MAST4: variants seen among roughly 807,000 people sequenced by gnomAD.
The protein encoded by MAST4 is microtubule associated serine/threonine kinase family member 4.
Under a neutral mutation model 162.7 loss-of-function variants are expected in MAST4, and 89 were observed. The ratio of observed to expected loss-of-function variants is 0.55; its 90% CI spans 0.46 to 0.65. The LOEUF (loss-of-function observed/expected upper bound fraction) is 0.65, where lower values mean the gene tolerates loss of function less well. MAST4 is among the 30% of genes least tolerant of loss of function. The probability of loss-of-function intolerance (pLI) is 0.00; values close to 1 mark genes in which losing one functional copy is unlikely to be tolerated. For synonymous variants in MAST4, 1,479 were observed against 1,361.1 expected (o/e 1.09, Z -1.91); for missense variants, 3,153 against 3,374.0 (o/e 0.93, Z 1.62).
chr5:66,690,128 A>C (rs1394399421), intron 1 of MAST4, among the ~76,000 whole-genome samples: 1 of 152,194 alleles, frequency 6.6e-6, no homozygotes. Context: ...CTTACTGGGC[A>C]TGTGACCTTG....
At chr5:66,651,184 T>C (rs1746193080) in intron 1 of MAST4, among the ~76,000 whole-genome samples, 1 of 152,128 alleles carries the variant, frequency 6.6e-6, no homozygotes, top group African/African-American at 2.4e-5. Flanking sequence ...GAGAATCTTT[T>C]TTTTTTTGAA....
intron 3 of MAST4, among the ~76,000 whole-genome samples, chr5:66,816,736 C>T (rs868597383): frequency 2.6e-5 from 4 of 152,244 alleles, no homozygotes; most frequent in South Asian, 2.1e-4. Context: ...TGGCATTCTT[C>T]CCCCAGCTCC....
intron 1 of MAST4, among the ~76,000 whole-genome samples, chr5:66,673,557 TG>T (rs1168580793): frequency 6.7e-6 from 1 of 149,494 alleles, no homozygotes; most frequent in African/African-American, 2.4e-5. Flanking sequence ...GACAGAGTCT[TG>T]CTCTGTCACC....
intron 4 of MAST4, among the ~76,000 whole-genome samples, chr5:67,030,700 T>A (rs1056088006): frequency 1.2e-4 from 18 of 152,198 alleles, no homozygotes; most frequent in South Asian, 2.1e-4. Context: ...ACAAACATTG[T>A]ATATTTGGAA....
At chr5:66,971,012 C>CCTGGT (rs1747366148) in intron 4 of MAST4, among the ~76,000 whole-genome samples, 1 of 152,168 alleles carries the variant, frequency 6.6e-6, no homozygotes, top group Admixed American at 6.5e-5. Context: ...TAGAAAGTGA[C>CCTGGT]CTGGTCTGGT....
chr5:66,821,866 G>C (rs1757012188), intron 3 of MAST4, among the ~76,000 whole-genome samples: 1 of 152,112 alleles, frequency 6.6e-6, no homozygotes, highest in African/African-American at 2.4e-5. Flanking sequence ...CAGATGCTTG[G>C]TGAGATGGTA....
Position 66,873,273 on chromosome 5 carries a change from G to A in MAST4, c.643-26678G>A, listed in dbSNP as rs1486788409. The stretch of plus-strand genomic sequence containing the variant: ...CTTAGGAAGCCATAGGAGAAGCCAC[G>A]GTTTGCTGTGTGGATACATTACTTG... On this transcript the variant is annotated intron_variant, in intron 3 of 28. Transcript: ENST00000403625. Among the ~76,000 whole-genome samples the A allele has an allele frequency of 3.9e-5, 6 of 152,288 alleles. No individual in the cohort carries two copies. The East Asian group carries it at 5.8e-4, about 15-fold the overall frequency.
chr5:67,117,668 TATTA>T (rs1484922812), intron 12 of MAST4, among the ~76,000 whole-genome samples: 3 of 151,934 alleles, frequency 2.0e-5, no homozygotes, highest in African/African-American at 7.2e-5. Context: ...AAGAAGAAAA[TATTA>T]ATTATCTGTG....
chr5:67,066,859 C>G (rs924308359), intron 5 of MAST4, among the ~76,000 whole-genome samples: 6 of 152,192 alleles, frequency 3.9e-5, no homozygotes, highest in African/African-American at 1.4e-4. Flanking sequence ...AGGAAATGCT[C>G]TTTAATGCTT....
intron 1 of MAST4, among the ~76,000 whole-genome samples, chr5:66,739,906 C>T (rs1288677024): frequency 2.0e-5 from 3 of 147,160 alleles, no homozygotes; most frequent in African/African-American, 7.5e-5. Context: ...AATACTTCCT[C>T]TCCAAGACAT....
Position 67,113,096 on chromosome 5 carries a change from G to A in MAST4, c.1459-991G>A, listed in dbSNP as rs1177964137. Reference sequence around the variant, plus strand: ...TGGGAGGCCAAGGTGGGTGGATCACGAGGTCAGGAGATCGAGACCATCCTG... The same window carrying A: ...TGGGAGGCCAAGGTGGGTGGATCACAAGGTCAGGAGATCGAGACCATCCTG... On this transcript the variant is annotated intron_variant, in intron 11 of 28. Transcript: ENST00000403625. 6.6e-5 allele frequency among the ~76,000 whole-genome samples: 10 copies of A among 152,150 alleles called. No homozygotes were observed. The East Asian group carries it at 1.7e-3, about 27-fold the overall frequency.
At chr5:66,816,703 T>C (rs906828731) in intron 3 of MAST4, among the ~76,000 whole-genome samples, 1 of 152,120 alleles carries the variant, frequency 6.6e-6, no homozygotes, top group Non-Finnish European at 1.5e-5. Context: ...ATGTTTGCCT[T>C]TGCACATGCG....
intron 3 of MAST4, among the ~76,000 whole-genome samples, chr5:66,890,002 C>CTATG (rs1159840890): frequency 2.0e-5 from 3 of 152,106 alleles, no homozygotes; most frequent in African/African-American, 7.2e-5. Flanking sequence ...GCTATGAGTT[C>CTATG]AATTGATCTA....
intron 4 of MAST4, among the ~76,000 whole-genome samples, chr5:66,911,276 A>AT (rs1763740155): frequency 6.6e-6 from 1 of 152,190 alleles, no homozygotes. Flanking sequence ...ACACATTTGC[A>AT]TGAGAGGAAA....
chr5:67,016,115 T>TA (rs1753259714), intron 4 of MAST4, among the ~76,000 whole-genome samples: 1 of 152,136 alleles, frequency 6.6e-6, no homozygotes, highest in Non-Finnish European at 1.5e-5. Flanking sequence ...TAACATGCGG[T>TA]AACTGGTAGA....
intron 3 of MAST4, among the ~76,000 whole-genome samples, chr5:66,791,093 G>A (rs1374505597): frequency 6.6e-6 from 1 of 151,930 alleles, no homozygotes; most frequent in African/African-American, 2.4e-5. Context: ...GCACAGTCTT[G>A]GCTCACTGCA....
chr5:66,911,773 A>T (rs1414184990), intron 4 of MAST4, among the ~76,000 whole-genome samples: 1 of 152,196 alleles, frequency 6.6e-6, no homozygotes, highest in Non-Finnish European at 1.5e-5. Flanking sequence ...CGTGTATTAT[A>T]GAAATATAAT....
At chr5:66,630,454 T>G (rs902982807) in intron 1 of MAST4, among the ~76,000 whole-genome samples, 2 of 152,196 alleles carry the variant, frequency 1.3e-5, no homozygotes, top group African/African-American at 2.4e-5. Context: ...GTATCTAAAC[T>G]GAAGTTTATC....
intron 1 of MAST4, among the ~76,000 whole-genome samples, chr5:66,703,788 C>T (rs766237169): frequency 2.0e-5 from 3 of 152,132 alleles, no homozygotes; most frequent in Non-Finnish European, 2.9e-5. Flanking sequence ...GAGATCAAAT[C>T]AGGAGGAAAG....
Sources: gnomAD v4.1 joint callset for allele counts (sites outside exome capture counted in the v4.1 genomes callset) on GRCh38, gnomAD v4.1.1 for gene constraint, MANE v1.5 for transcripts, NCBI Gene and HGNC (gene_info 2026-07-23, HGNC 2026-07-21) for gene names.